TULP4: variants seen among roughly 807,000 people sequenced by gnomAD.
The protein encoded by TULP4 is tubby-related protein 4.
TULP4 carries 16 observed loss-of-function variants against 129.0 expected under a neutral mutation model. The observed-to-expected ratio is 0.12, with a 90% confidence interval of 0.08 to 0.19. The LOEUF (loss-of-function observed/expected upper bound fraction) is 0.19, where lower values mean the gene tolerates loss of function less well. TULP4 is among the 10% of genes least tolerant of loss of function. The pLI is 1.00. For synonymous variants in TULP4, 998 were observed against 854.0 expected, an observed-to-expected ratio of 1.17 and a Z score of -2.94; for missense variants, 1,842 against 2,059.1, an observed-to-expected ratio of 0.89 and a Z score of 2.04.
At chr6:158,448,307 C>T (rs1306235178) in intron 3 of TULP4, among the ~76,000 whole-genome samples, 1 of 152,138 alleles carries the variant, frequency 6.6e-6, no homozygotes, top group African/African-American at 2.4e-5. Flanking sequence ...GCCACACCAG[C>T]AAAACTAGCG....
intron 1 of TULP4, among the ~76,000 whole-genome samples, chr6:158,293,431 C>G (rs980502320): frequency 1.3e-5 from 2 of 152,170 alleles, no homozygotes; most frequent in Admixed American, 6.5e-5. Context: ...TAATTCAGTG[C>G]AGGGGTACTG....
At chr6:158,458,358 G>A (rs987241392) in intron 5 of TULP4, among the ~76,000 whole-genome samples, 2 of 152,092 alleles carry the variant, frequency 1.3e-5, no homozygotes, top group Non-Finnish European at 2.9e-5. Context: ...ACATATCAGA[G>A]ACCGAAAACC....
chr6:158,454,762 C>T (rs1334553545), intron 5 of TULP4, among the ~76,000 whole-genome samples: 1 of 151,968 alleles, frequency 6.6e-6, no homozygotes, highest in Non-Finnish European at 1.5e-5. Flanking sequence ...CATGCCACCA[C>T]GCCTGGCTAA....
Position 158,237,284 on chromosome 6 carries a change from C to T in TULP4, n.68+4981C>T, listed in dbSNP as rs1777729174. 3.0e-5 allele frequency: 39 copies of T among 1,300,550 alleles called. 1 individual carries two copies. The South Asian group carries it at 4.6e-4, about 15-fold the overall frequency. The allele number at this position is 1,300,550 out of a possible 1,614,324, so 80.6% of individuals were successfully genotyped here. ...CTTGCTGTATTACCTTTATTATATTCCTAATGTTACCGAGACTAGTTTAAA... is the reference window on the plus strand; with the variant it reads ...CTTGCTGTATTACCTTTATTATATTTCTAATGTTACCGAGACTAGTTTAAA... On this transcript the variant is annotated intron_variant and non_coding_transcript_variant, in intron 1 of 1. Coordinates refer to the TULP4 transcript ENST00000620026.
chr6:158,478,905 C>T (rs753845851), intron 6 of TULP4, among the ~76,000 whole-genome samples: 18 of 152,102 alleles, frequency 1.2e-4, no homozygotes, highest in South Asian at 2.1e-4. Context: ...CCACAGGAAC[C>T]GTGTTCTCCT....
intron 1 of TULP4, among the ~76,000 whole-genome samples, chr6:158,234,173 C>G (rs765040822): frequency 2.0e-5 from 3 of 152,224 alleles, no homozygotes; most frequent in Admixed American, 2.0e-4. Context: ...ATTTATCTTT[C>G]AGCCTTGCAT....
At chr6:158,236,814 T>C (rs865934897) in intron 1 of TULP4, among the ~76,000 whole-genome samples, 19,271 of 119,378 alleles carry the variant, frequency 0.16, 2,729 homozygotes, top group East Asian at 0.47. Flanking sequence ...TTTTTTTTTT[T>C]TTTTTTTTTT....
At chr6:158,399,054 T>C (rs539484082) in intron 1 of TULP4, among the ~76,000 whole-genome samples, 66 of 152,232 alleles carry the variant, frequency 4.3e-4, no homozygotes, top group Non-Finnish European at 4.7e-4. Context: ...TTTTCACTTA[T>C]AAAATAGATG....
At chr6:158,359,126 A>T (rs1276144556) in intron 1 of TULP4, among the ~76,000 whole-genome samples, 1 of 152,086 alleles carries the variant, frequency 6.6e-6, no homozygotes, top group Non-Finnish European at 1.5e-5. Flanking sequence ...TTTGTTGTTT[A>T]TGTGACTTTC....
At chr6:158,504,289 A>G in intron 13 of TULP4, 111 bp downstream of exon 13, 1 of 855,692 alleles carries the variant, frequency 1.2e-6, no homozygotes, top group South Asian at 1.8e-5. Context: ...GAAAACAACG[A>G]ACACCTCTTA....
At chr6:158,437,949 T>G (rs1778788669) in intron 3 of TULP4, 1 of 152,250 alleles carries the variant, frequency 6.6e-6, no homozygotes, top group South Asian at 2.1e-4. Context: ...ACCACCAGAT[T>G]GTCTAATGAG....
At chr6:158,332,188 AAAAAAAAAAAAAATATATATATATATAT>A (rs1779918124) in intron 1 of TULP4, among the ~76,000 whole-genome samples, 2 of 5,484 alleles carry the variant, frequency 3.6e-4, no homozygotes, top group African/African-American at 8.2e-4. Context: ...AAAAAAAAAA[AAAAAAAAAAAAAATATATATATATATAT>A]ATATATATAT....
At chr6:158,423,671 C>T (rs1170997497) in intron 2 of TULP4, among the ~76,000 whole-genome samples, 3 of 151,910 alleles carry the variant, frequency 2.0e-5, no homozygotes, top group African/African-American at 2.4e-5. Context: ...GATGGAGTCT[C>T]ACCCTGCCAC....
At chr6:158,302,475 T>G (rs1049119464) in intron 1 of TULP4, among the ~76,000 whole-genome samples, 1 of 152,178 alleles carries the variant, frequency 6.6e-6, no homozygotes, top group Non-Finnish European at 1.5e-5. Context: ...GCCTGATTTC[T>G]TTTTTACTAG....
At chr6:158,378,485 T>TTTTGGG (rs1554285635) in intron 1 of TULP4, among the ~76,000 whole-genome samples, 1 of 51,412 alleles carries the variant, frequency 1.9e-5, no homozygotes, top group African/African-American at 7.6e-5. Context: ...TTTTTTTTTT[T>TTTTGGG]GGTGGGGGTG....
intron 2 of TULP4, among the ~76,000 whole-genome samples, chr6:158,421,120 G>T (rs1778328705): frequency 6.6e-6 from 1 of 152,140 alleles, no homozygotes; most frequent in Non-Finnish European, 1.5e-5. Flanking sequence ...CCAGCACTTT[G>T]GGAGGCTGAG....
intron 1 of TULP4, among the ~76,000 whole-genome samples, chr6:158,294,906 A>G (rs1779002658): frequency 6.6e-6 from 1 of 152,024 alleles, no homozygotes; most frequent in Non-Finnish European, 1.5e-5. Flanking sequence ...TAATTTTTGT[A>G]GAGACTGGGT....
Position 158,452,278 on chromosome 6 carries a change from G to A in TULP4, c.859+10G>A. The A allele has an allele frequency of 6.2e-7, 1 of 1,613,620 alleles. No homozygotes were observed. Among genetic ancestry groups the A allele is most frequent in the Non-Finnish European group, 8.5e-7 (1 of 1,179,764 alleles). On this transcript the variant is annotated intron_variant, in intron 5 of 13. Coordinates refer to ENST00000367097, the MANE Select transcript of TULP4 (RefSeq NM_020245.5). ...CGCTCAGGGCTGAAAGGTACAGAAT[G>A]CTGCACACACCCCAAACCTGCAGAC... is the stretch of plus-strand genomic sequence containing the variant.
Position 158,508,157 on chromosome 6 carries a change from G to C in TULP4, c.*1463G>C, listed in dbSNP as rs1780646579. On this transcript the variant is annotated 3_prime_UTR_variant, in exon 14 of 14. Transcript: ENST00000367097. ...CCAGTGTTTTTTGTTGTTGTTTTTT[G>C]TTGTTGTTTTTTGTTTTTGTTTTTG... The C allele has an allele frequency of 6.6e-6, 1 of 152,138 alleles. No homozygotes were observed. Among genetic ancestry groups the C allele is most frequent in the Non-Finnish European group, 1.5e-5 (1 of 68,040 alleles). 9.4% of individuals were successfully genotyped at this position (152,138 alleles called of 1,614,324 possible).
Sources: gnomAD v4.1 joint callset for allele counts (sites outside exome capture counted in the v4.1 genomes callset) on GRCh38, gnomAD v4.1.1 for gene constraint, MANE v1.5 for transcripts, NCBI Gene and HGNC (gene_info 2026-07-23, HGNC 2026-07-21) for gene names.